Variants in SIPA1L1 observed in about 807,000 individuals in gnomAD.
SIPA1L1 encodes the protein signal induced proliferation associated 1 like 1.
Under a neutral mutation model 162.7 loss-of-function variants are expected in SIPA1L1, and 26 were observed. That is an observed-to-expected ratio of 0.16 (90% CI 0.12 to 0.22). The LOEUF is 0.22. Among genes scored for constraint, SIPA1L1 ranks in the 10% least tolerant of loss-of-function variants. SIPA1L1 has a pLI of 1.00. For synonymous variants in SIPA1L1, 829 were observed against 837.4 expected, an observed-to-expected ratio of 0.99 and a Z score of 0.17; for missense variants, 1,874 against 2,241.0, an observed-to-expected ratio of 0.84 and a Z score of 3.31.
intron 4 of SIPA1L1, among the ~76,000 whole-genome samples, chr14:71,570,231 T>C (rs545253898): frequency 6.6e-6 from 1 of 152,212 alleles, no homozygotes; most frequent in East Asian, 1.9e-4. Context: ...TACTATTTTT[T>C]TTCTTTTTTC....
chr14:71,345,339 A>C (rs1431101739), intron 2 of SIPA1L1, among the ~76,000 whole-genome samples: 1 of 151,930 alleles, frequency 6.6e-6, no homozygotes, highest in Non-Finnish European at 1.5e-5. Flanking sequence ...ACGCTTTCCT[A>C]TATGCAGTGC....
chr14:71,504,185 T>G (rs1277706380), intron 2 of SIPA1L1, among the ~76,000 whole-genome samples: 1 of 152,208 alleles, frequency 6.6e-6, no homozygotes, highest in Admixed American at 6.5e-5. Context: ...TTTTTGTGTT[T>G]AAATGAAAGT....
At chr14:71,444,651 C>T (rs978436543) in intron 2 of SIPA1L1, among the ~76,000 whole-genome samples, 2 of 152,134 alleles carry the variant, frequency 1.3e-5, no homozygotes, top group Admixed American at 6.5e-5. Flanking sequence ...CAAGACTGAC[C>T]TCTTTCCCTT....
At chr14:71,650,583 C>T (rs764205653) in intron 8 of SIPA1L1, 74 bp downstream of exon 8, 36 of 1,395,350 alleles carry the variant, frequency 2.6e-5, no homozygotes, top group Admixed American at 1.8e-4. Context: ...CTAAATTATC[C>T]GTAAAGCAAC....
intron 7 of SIPA1L1, among the ~76,000 whole-genome samples, chr14:71,639,139 G>A (rs2148883486): frequency 6.6e-6 from 1 of 152,318 alleles, no homozygotes; most frequent in South Asian, 2.1e-4. Context: ...GGGCATGATG[G>A]CTCACTTCTG....
At chr14:71,441,044 C>G (rs545950669) in intron 2 of SIPA1L1, among the ~76,000 whole-genome samples, 1 of 152,090 alleles carries the variant, frequency 6.6e-6, no homozygotes, top group African/African-American at 2.4e-5. Context: ...TTCAGACTTA[C>G]TATTTGGGAA....
At chr14:71,556,480 C>G (rs1388897162) in intron 4 of SIPA1L1, among the ~76,000 whole-genome samples, 2 of 152,230 alleles carry the variant, frequency 1.3e-5, no homozygotes, top group Non-Finnish European at 2.9e-5. Flanking sequence ...TTGGTAAATC[C>G]AGGCCTCCAG....
At chr14:71,575,324 A>G (rs548061925) in intron 4 of SIPA1L1, among the ~76,000 whole-genome samples, 52 of 152,260 alleles carry the variant, frequency 3.4e-4, no homozygotes, top group Admixed American at 1.0e-3. Flanking sequence ...CAGCCCACAC[A>G]CAGTGCCTGG....
intron 2 of SIPA1L1, among the ~76,000 whole-genome samples, chr14:71,456,788 A>G (rs1484123791): frequency 6.6e-6 from 1 of 152,202 alleles, no homozygotes; most frequent in Non-Finnish European, 1.5e-5. Context: ...AAAATAAAAT[A>G]TATTTTTCTT....
chr14:71,445,767 TA>T (rs1158690520), intron 2 of SIPA1L1, among the ~76,000 whole-genome samples: 1 of 152,260 alleles, frequency 6.6e-6, no homozygotes, highest in Non-Finnish European at 1.5e-5. Flanking sequence ...ATTGTAGTTG[TA>T]CCAAAGTAAG....
intron 19 of SIPA1L1, among the ~76,000 whole-genome samples, chr14:71,726,801 C>T (rs911374055): frequency 5.3e-5 from 8 of 152,138 alleles, no homozygotes; most frequent in Non-Finnish European, 8.8e-5. Flanking sequence ...TAGTAGCTCC[C>T]TTTGTCTTCT....
At chr14:71,702,997 A>G (rs1236795381) in intron 15 of SIPA1L1, among the ~76,000 whole-genome samples, 1 of 152,236 alleles carries the variant, frequency 6.6e-6, no homozygotes, top group Admixed American at 6.5e-5. Context: ...AGCTAAGGAA[A>G]TGTCTTAGCA....
At chr14:71,522,464 G>C (rs766437291) in intron 3 of SIPA1L1, among the ~76,000 whole-genome samples, 6 of 152,078 alleles carry the variant, frequency 3.9e-5, no homozygotes, top group Non-Finnish European at 8.8e-5. Context: ...GGTTTTTTCA[G>C]ATTTTGGAAT....
rs1273119295 is a variant in SIPA1L1, at chr14:71,377,301, G to A, written c.-465+56120G>A. 1.3e-5 allele frequency among the ~76,000 whole-genome samples: 2 copies of A among 152,012 alleles called. No homozygotes were observed. Among genetic ancestry groups the A allele is most frequent in the African/African-American group, 2.4e-5 (1 of 41,366 alleles). The stretch of plus-strand genomic sequence containing the variant: ...GGGGCGTTCTCCACTTCTCAGACAG[G>A]GCGGCTGCCGGGTGGAGGGGCTCCT... On this transcript the variant is annotated intron_variant, in intron 2 of 23. Coordinates refer to ENST00000381232, the MANE Select transcript of SIPA1L1 (RefSeq NM_001386936.1). The surrounding 1 kb of genome is among the most constrained non-coding windows in gnomAD (Gnocchi z 4.8).
At chr14:71,675,434 C>A (rs994114982) in intron 12 of SIPA1L1, among the ~76,000 whole-genome samples, 1 of 147,754 alleles carries the variant, frequency 6.8e-6, no homozygotes, top group Non-Finnish European at 1.5e-5. Flanking sequence ...CAGTTTCCAT[C>A]TGAAAAGTCA....
At chr14:71,376,789 A>G (rs1443754709) in intron 2 of SIPA1L1, among the ~76,000 whole-genome samples, 2 of 152,120 alleles carry the variant, frequency 1.3e-5, no homozygotes, top group Non-Finnish European at 2.9e-5. Flanking sequence ...GCTGCCTTCA[A>G]GCATCGTTTC....
intron 17 of SIPA1L1, among the ~76,000 whole-genome samples, chr14:71,710,376 A>G (rs1436482784): frequency 6.6e-6 from 1 of 152,332 alleles, no homozygotes; most frequent in East Asian, 1.9e-4. Flanking sequence ...GGGAAGAAGC[A>G]TTCCATCACT....
intron 2 of SIPA1L1, among the ~76,000 whole-genome samples, chr14:71,510,725 T>C (rs1292918723): frequency 6.6e-6 from 1 of 152,166 alleles, no homozygotes; most frequent in African/African-American, 2.4e-5. Flanking sequence ...CTGAGAATTA[T>C]GGATAATAAT....
chr14:71,441,659 A>T (rs550330276), intron 2 of SIPA1L1, among the ~76,000 whole-genome samples: 1 of 152,250 alleles, frequency 6.6e-6, no homozygotes, highest in South Asian at 2.1e-4. Flanking sequence ...TGCTTGTTGA[A>T]TGAACGTTGG....
Sources: allele counts gnomAD v4.1 joint callset (sites outside exome capture counted in the v4.1 genomes callset), GRCh38; gene constraint gnomAD v4.1.1; non-coding constraint Gnocchi (gnomAD v3.1); transcripts MANE v1.5; gene names NCBI Gene and HGNC (gene_info 2026-07-23, HGNC 2026-07-21).